Variants in USO1 observed in about 807,000 individuals in gnomAD.
USO1 encodes USO1 vesicle transport factor.
In USO1, 57 loss-of-function variants were observed where a neutral mutation model predicts 124.5. That is an observed-to-expected ratio of 0.46 (90% CI 0.37 to 0.57). The LOEUF is 0.57. Among genes scored for constraint, USO1 ranks in the 20% least tolerant of loss-of-function variants. USO1 has a pLI of 0.00. For missense variants in USO1, 900 were observed against 1,040.6 expected (o/e 0.86, Z 1.86); for synonymous variants, 369 against 362.8 (o/e 1.02, Z -0.19).
rs116645838 is a variant in USO1 at position 75,779,942 on chromosome 4, G to A, written c.677-2738G>A. Among the ~76,000 whole-genome samples the A allele has an allele frequency of 7.5e-3, 1,136 of 152,296 alleles. 22 individuals carry two copies. The highest frequency in any genetic ancestry group is 0.026 in the African/African-American group (1,093 of 41,566). ...CTTCAAAGGACAAGCTGACTCTCTT[G>A]TTAAGAGCTAATGCACTGTTGACTT... On this transcript the variant is annotated intron_variant, in intron 8 of 23. Coordinates refer to ENST00000514213, the MANE Select transcript of USO1 (RefSeq NM_003715.4).
chr4:75,734,032 G>C (rs1406316264), intron 1 of USO1, among the ~76,000 whole-genome samples: 1 of 139,826 alleles, frequency 7.2e-6, no homozygotes, highest in Non-Finnish European at 1.5e-5. Context: ...TGCAACCTCT[G>C]CCTCCCGGAT....
At chr4:75,786,588 A>G (rs1191874521) in intron 9 of USO1, among the ~76,000 whole-genome samples, 2 of 152,200 alleles carry the variant, frequency 1.3e-5, no homozygotes, top group South Asian at 2.1e-4. Context: ...TGCCTAATAC[A>G]TGAATCTTTT....
intron 9 of USO1, among the ~76,000 whole-genome samples, chr4:75,785,711 G>A (rs1284583689): frequency 6.6e-6 from 1 of 151,998 alleles, no homozygotes; most frequent in Non-Finnish European, 1.5e-5. Flanking sequence ...GCTATTAGAG[G>A]ATAGTAGAAA....
chr4:75,808,786 A>G (rs933942573), intron 20 of USO1, among the ~76,000 whole-genome samples, 167 bp from the exon 21 acceptor site: 1 of 149,012 alleles, frequency 6.7e-6, no homozygotes, highest in African/African-American at 2.5e-5. Flanking sequence ...AGGTAAATGA[A>G]TGTGTTGAAT....
chr4:75,786,106 A>G (rs1412604556), intron 9 of USO1, among the ~76,000 whole-genome samples: 1 of 152,280 alleles, frequency 6.6e-6, no homozygotes, highest in Non-Finnish European at 1.5e-5. Context: ...ATTTCTGGTT[A>G]CCTTTTTATT....
chr4:75,774,632 CAT>C lies in USO1; in HGVS notation c.556-42_556-41del. 3 of 1,540,456 alleles carry C rather than the reference CAT, an allele frequency of 1.9e-6. 1 individual carries two copies. The highest frequency in any genetic ancestry group is 3.5e-4 in the Middle Eastern group (2 of 5,722). ...TTTTTGAAGTAATTTAAAAATGTCTCATAAATTTTGTACTCCACTAAACATTC... is the reference window on the plus strand; with the variant it reads ...TTTTTGAAGTAATTTAAAAATGTCTCAAATTTTGTACTCCACTAAACATTC... On this transcript the variant is annotated intron_variant, in intron 7 of 23. Coordinates refer to ENST00000514213, the MANE Select transcript of USO1 (RefSeq NM_003715.4).
chr4:75,774,852 G>C (rs887603560), intron 8 of USO1, 56 bp downstream of exon 8: 7 of 1,564,516 alleles, frequency 4.5e-6, no homozygotes, highest in African/African-American at 4.1e-5. Context: ...TGACTTGTTA[G>C]GGTATAGGGA....
intron 4 of USO1, among the ~76,000 whole-genome samples, chr4:75,763,758 A>G (rs992962667): frequency 1.3e-5 from 2 of 152,194 alleles, no homozygotes; most frequent in South Asian, 2.1e-4. Context: ...AAACTTAGCT[A>G]TAAAGGTTGT....
chr4:75,810,243 T>C (rs1295639455), intron 21 of USO1, among the ~76,000 whole-genome samples, 189 bp from the exon 22 acceptor site: 3 of 152,238 alleles, frequency 2.0e-5, no homozygotes, highest in Non-Finnish European at 4.4e-5. Flanking sequence ...TGAGATTTGA[T>C]GCTCTTCCAT....
chr4:75,794,993 C>G (rs1470112861), intron 13 of USO1, among the ~76,000 whole-genome samples: 1 of 152,110 alleles, frequency 6.6e-6, no homozygotes, highest in Non-Finnish European at 1.5e-5. Context: ...TATTTTAAAG[C>G]CAAACAGTAA....
At chr4:75,733,218 C>A (rs1720689400) in intron 1 of USO1, among the ~76,000 whole-genome samples, 1 of 151,712 alleles carries the variant, frequency 6.6e-6, no homozygotes, top group Non-Finnish European at 1.5e-5. Context: ...GAGATCACGC[C>A]ACTGCAGTCC....
chr4:75,789,455 A>G (rs1168994533), intron 10 of USO1, among the ~76,000 whole-genome samples: 1 of 152,076 alleles, frequency 6.6e-6, no homozygotes, highest in Non-Finnish European at 1.5e-5. Context: ...TTGTATTTGT[A>G]GTAGAGACAG....
chr4:75,749,947 G>T (rs1217623770), intron 1 of USO1, among the ~76,000 whole-genome samples: 1 of 151,972 alleles, frequency 6.6e-6, no homozygotes, highest in African/African-American at 2.4e-5. Context: ...TAGAGACAGG[G>T]TTTCATCATG....
intron 4 of USO1, among the ~76,000 whole-genome samples, chr4:75,766,562 A>G (rs1721775309): frequency 6.6e-6 from 1 of 152,210 alleles, no homozygotes; most frequent in African/African-American, 2.4e-5. Flanking sequence ...ACAAAGACGT[A>G]CCTGGCCAGA....
At chr4:75,750,202 C>T (rs1011052888) in intron 1 of USO1, among the ~76,000 whole-genome samples, 5 of 152,058 alleles carry the variant, frequency 3.3e-5, no homozygotes, top group Admixed American at 2.0e-4. Flanking sequence ...GGGAGGCCAA[C>T]GTGGGAGAAT....
chr4:75,805,105 C>A, intron 18 of USO1, 35 bp from the exon 19 acceptor site: 7 of 1,509,358 alleles, frequency 4.6e-6, no homozygotes, highest in South Asian at 4.0e-5. Context: ...CTGAAGTTTC[C>A]CGTTGGCTTT....
At chr4:75,800,518 C>CTT (rs35563762) in intron 15 of USO1, 49 bp downstream of exon 15, 136,891 of 1,300,654 alleles carry the variant, frequency 0.11, 273 homozygotes, top group East Asian at 0.16. Flanking sequence ...GATAATGATG[C>CTT]TTTTTTTTTT....
Position 75,813,447 on chromosome 4 carries a change from C to A in USO1, c.*152C>A. On this transcript the variant is annotated 3_prime_UTR_variant, in exon 24 of 24. Transcript: ENST00000514213. ...TGATATATTTTTGTAATGTTGCCAC[C>A]CATGTTGAAAACCTTAAAACTGAAT... 2.5e-6 allele frequency: 2 copies of A among 805,116 alleles called. No individual in the cohort carries two copies. The highest frequency in any genetic ancestry group is 3.5e-6 in the Non-Finnish European group (2 of 579,034). The allele number at this position is 805,116 out of a possible 1,614,324, so 49.9% of individuals were successfully genotyped here.
At chr4:75,745,068 C>T in intron 1 of USO1, 1 of 334,436 alleles carries the variant, frequency 3.0e-6, no homozygotes, top group South Asian at 2.4e-5. Context: ...CACATTAATG[C>T]CTTCTTTGAC....
Sources: gnomAD v4.1 joint callset for allele counts (sites outside exome capture counted in the v4.1 genomes callset) on GRCh38, gnomAD v4.1.1 for gene constraint, MANE v1.5 for transcripts, NCBI Gene and HGNC (gene_info 2026-07-23, HGNC 2026-07-21) for gene names.